PLEKHO2: variants seen among roughly 807,000 people sequenced by gnomAD.
The protein encoded by PLEKHO2 is pleckstrin homology domain containing O2.
A neutral mutation model predicts 32.7 loss-of-function variants in PLEKHO2; 20 were observed. That is an observed-to-expected ratio of 0.61 (90% CI 0.43 to 0.89). PLEKHO2 has a LOEUF of 0.89. Among genes scored for constraint, PLEKHO2 ranks in the 40% least tolerant of loss-of-function variants. The pLI is 0.00. For synonymous variants in PLEKHO2, 247 were observed against 246.3 expected, an observed-to-expected ratio of 1.00 and a Z score of -0.03; for missense variants, 568 against 621.2, an observed-to-expected ratio of 0.91 and a Z score of 0.91.
At chr15:64,854,028 C>T (rs1473175023) in intron 2 of PLEKHO2, among the ~76,000 whole-genome samples, 1 of 152,186 alleles carries the variant, frequency 6.6e-6, no homozygotes, top group Non-Finnish European at 1.5e-5. Flanking sequence ...CCTGGACTCT[C>T]CTGGATGACA....
intron 1 of PLEKHO2, among the ~76,000 whole-genome samples, 195 bp from the exon 2 acceptor site, chr15:64,848,398 G>A (rs145887705): frequency 8.2e-4 from 125 of 152,312 alleles, no homozygotes; most frequent in Non-Finnish European, 1.3e-3. Flanking sequence ...GAGTAAAGTG[G>A]CTGCTGCTAT....
chr15:64,842,427 A>G (rs2084492195), intron 1 of PLEKHO2, among the ~76,000 whole-genome samples: 1 of 133,902 alleles, frequency 7.5e-6, no homozygotes, highest in African/African-American at 3.2e-5. Context: ...TGTGTGTCGG[A>G]TCCTGACTGT....
At position 64,842,378 on chromosome 15, in the gene PLEKHO2, C is replaced by CTGTGTGTG. The variant is rs777446391; in HGVS notation, c.12+351_12+352insGTGTGTGT. ...CGATTACCGTGGTCGGATCCTGACT[C>CTGTGTGTG]TCTCTCTCTCTCTGTGTGTGTGTGT... On this transcript the variant is annotated intron_variant, in intron 1 of 5. Transcript: ENST00000323544. Among the ~76,000 whole-genome samples the CTGTGTGTG allele has an allele frequency of 5.3e-3, 120 of 22,682 alleles. 3 individuals carry two copies. The highest frequency in any genetic ancestry group is 0.01 in the African/African-American group (117 of 11,488). The allele number at this position is 22,682 out of a possible 152,430, so 14.9% of individuals were successfully genotyped here.
chr15:64,865,715 G>A lies in PLEKHO2; in HGVS notation c.1300G>A (p.Glu434Lys). 6.2e-7 allele frequency: 1 copy of A among 1,614,220 alleles called. No individual in the cohort carries two copies. The highest frequency in any genetic ancestry group is 2.2e-5 in the East Asian group (1 of 44,884). The part of the protein sequence containing the change: ...EKLLNKVLGS[E>K]PAPVSAETLL... ...ACTGTTGAACAAGGTGCTGGGCAGT[G>A]AGCCGGCCCCTGTTAGTGCCGAAAC... The change falls in exon 6 of 6, where the codon GAG becomes AAG. Residue 434 changes from glutamate to lysine, a missense_variant. Glu to Lys is a moderately conservative substitution (Grantham distance 56, BLOSUM62 1). Transcript: ENST00000323544.
At chr15:64,852,581 C>T (rs112013610) in intron 2 of PLEKHO2, among the ~76,000 whole-genome samples, 293 of 151,938 alleles carry the variant, frequency 1.9e-3, no homozygotes, top group Non-Finnish European at 3.2e-3. Context: ...TTTAAAAGCT[C>T]CCAGGTGCCA....
chr15:64,846,942 G>A (rs147859628), intron 1 of PLEKHO2, among the ~76,000 whole-genome samples: 5 of 152,328 alleles, frequency 3.3e-5, no homozygotes, highest in South Asian at 2.1e-4. Context: ...GCCAGTCACT[G>A]TCTAGGAACT....
Position 64,866,128 on chromosome 15 carries a change from GGCTGGGGCTGGGAGCACACAC to G in PLEKHO2, c.*247_*267del. On this transcript the variant is annotated 3_prime_UTR_variant, in exon 6 of 6. Coordinates refer to ENST00000323544, the MANE Select transcript of PLEKHO2 (RefSeq NM_025201.5). ...CTATCTGGCCTGGCCTCTGGGCTGG[GGCTGGGGCTGGGAGCACACAC>G]GCTGGGACCTATGTGTTTGTGTGGT... is the stretch of plus-strand genomic sequence containing the variant. 1.7e-6 allele frequency: 1 copy of G among 597,586 alleles called. No homozygotes were observed. The highest frequency in any genetic ancestry group is 3.0e-6 in the Non-Finnish European group (1 of 338,840). The allele number at this position is 597,586 out of a possible 1,614,324, so 37.0% of individuals were successfully genotyped here. A position where few individuals can be genotyped will look rare whatever the true frequency, so the allele number is the denominator to read the frequency against.
At chr15:64,842,167 C>T (rs1467513012) in intron 1 of PLEKHO2, 139 bp downstream of exon 1, 4 of 805,030 alleles carry the variant, frequency 5.0e-6, no homozygotes, top group Non-Finnish European at 6.7e-6. Context: ...GCAAATGGGG[C>T]AGGGGCGAGG....
chr15:64,842,380 CTCTCTCTCTCTGTGTGTGTGTG>C (rs1427505674), intron 1 of PLEKHO2, among the ~76,000 whole-genome samples: 2 of 33,084 alleles, frequency 6.0e-5, no homozygotes, highest in South Asian at 2.6e-3. Context: ...TCCTGACTCT[CTCTCTCTCTCTGTGTGTGTGTG>C]TGTGTGTGTG....
chr15:64,848,645 C>G lies in PLEKHO2; in HGVS notation c.65C>G (p.Ala22Gly). ...CGGGGAGCACAGATGGTGGACAAGG[C>G]TGGCTGGATCAAGAAGAGCAGTGGG... ...KPRGAQMVDK[A>G]GWIKKSSGGL... Residue 22 changes from alanine (A) to glycine (G), a missense_variant, in exon 2 of 6, where the codon GCT (alanine) becomes GGT (glycine). Physicochemically the swap from Ala to Gly is moderately conservative, Grantham distance 60 (BLOSUM62 0). Coordinates refer to ENST00000323544, the MANE Select transcript of PLEKHO2 (RefSeq NM_025201.5). The G allele has an allele frequency of 1.2e-6, 2 of 1,614,148 alleles. No homozygotes were observed. Among genetic ancestry groups the G allele is most frequent in the Non-Finnish European group, 1.7e-6 (2 of 1,180,022 alleles).
At chr15:64,858,994 G>C (rs956382732) in intron 3 of PLEKHO2, among the ~76,000 whole-genome samples, 1 of 152,212 alleles carries the variant, frequency 6.6e-6, no homozygotes, top group South Asian at 2.1e-4. Flanking sequence ...GACAACTCTA[G>C]GTACCTCATA....
rs780814432 is a variant in PLEKHO2, at chr15:64,865,079, G to T, written c.664G>T (p.Val222Leu). The T allele has an allele frequency of 1.2e-6, 2 of 1,613,976 alleles. No homozygotes were observed. Among genetic ancestry groups the T allele is most frequent in the African/African-American group, 2.7e-5 (2 of 74,896 alleles). The change falls in exon 6 of 6, where the codon GTG becomes TTG. Residue 222 changes from valine to leucine, a missense_variant. Val to Leu is a conservative substitution (Grantham distance 32). Transcript: ENST00000323544. Reference protein sequence around the residue: ...APETTSPGDRVETPVGERAPT... With the variant: ...APETTSPGDRLETPVGERAPT... Reference sequence around the variant, plus strand: ...TGAGACCACCAGCCCTGGTGACAGGGTGGAGACCCCTGTGGGGGAGAGAGC... The same window carrying T: ...TGAGACCACCAGCCCTGGTGACAGGTTGGAGACCCCTGTGGGGGAGAGAGC...
rs1380090290 is a variant in PLEKHO2, at chr15:64,865,563, A to G, written c.1148A>G (p.Gln383Arg). ...CTGCCCCCCTGGGACCTGCCACCTC[A>G]GTTCCATCCCCGCTGCTCCTCCCTT... ...TALPPWDLPPQFHPRCSSLGD... is the reference protein window; with the variant it reads ...TALPPWDLPPRFHPRCSSLGD... The change falls in exon 6 of 6, where the codon CAG becomes CGG. Residue 383 changes from glutamine (Q) to arginine (R), a missense_variant. Coordinates refer to ENST00000323544, the MANE Select transcript of PLEKHO2 (RefSeq NM_025201.5). 1 of 1,614,198 alleles carries G rather than the reference A, an allele frequency of 6.2e-7. No homozygotes were observed. Among genetic ancestry groups the G allele is most frequent in the South Asian group, 1.1e-5 (1 of 91,088 alleles).
rs1317606854 is a variant in PLEKHO2 at position 64,849,882 on chromosome 15, G to A, written c.162+1140G>A. 2.0e-5 allele frequency among the ~76,000 whole-genome samples: 3 copies of A among 151,314 alleles called. No homozygotes were observed. In the South Asian group the frequency reaches 6.3e-4, roughly 32 times the overall value. On this transcript the variant is annotated intron_variant, in intron 2 of 5. Transcript: ENST00000323544. ...TAGTAGAAATAATAATTAGCAGGCC[G>A]GGTTGTAGTGGCTTACACCTATAAT...
chr15:64,855,707 A>G (rs1406126236), intron 3 of PLEKHO2, among the ~76,000 whole-genome samples: 2 of 152,140 alleles, frequency 1.3e-5, no homozygotes, highest in Non-Finnish European at 2.9e-5. Flanking sequence ...AGCTTCACAG[A>G]TGTCAGGAGC....
chr15:64,850,305 C>G (rs2084557778), intron 2 of PLEKHO2, among the ~76,000 whole-genome samples: 1 of 152,146 alleles, frequency 6.6e-6, no homozygotes, highest in African/African-American at 2.4e-5. Flanking sequence ...CTCAGGGTGA[C>G]AAGATGACTG....
rs780814432 is a variant in PLEKHO2, at chr15:64,865,079, G to A, written c.664G>A (p.Val222Met). The change falls in exon 6 of 6, where the codon GTG becomes ATG. Residue 222 changes from valine (V) to methionine (M), a missense_variant. Coordinates refer to ENST00000323544, the MANE Select transcript of PLEKHO2 (RefSeq NM_025201.5). The part of the protein sequence containing the change: ...APETTSPGDR[V>M]ETPVGERAPT... ...TGAGACCACCAGCCCTGGTGACAGGGTGGAGACCCCTGTGGGGGAGAGAGC... is the reference window on the plus strand; with the variant it reads ...TGAGACCACCAGCCCTGGTGACAGGATGGAGACCCCTGTGGGGGAGAGAGC... 3.7e-6 allele frequency: 6 copies of A among 1,614,094 alleles called. No homozygotes were observed. Among genetic ancestry groups the A allele is most frequent in the South Asian group, 1.1e-5 (1 of 91,092 alleles).
Position 64,865,973 on chromosome 15 carries a change from T to C in PLEKHO2, c.*85T>C, listed in dbSNP as rs1239954101. On this transcript the variant is annotated 3_prime_UTR_variant, in exon 6 of 6. Coordinates refer to ENST00000323544, the MANE Select transcript of PLEKHO2 (RefSeq NM_025201.5). Reference sequence around the variant, plus strand: ...GCCCTGCTGAGAAATGTGCTTCTGCTTCTACAGCAATGGCTGCAGGAGGGC... The same window carrying C: ...GCCCTGCTGAGAAATGTGCTTCTGCCTCTACAGCAATGGCTGCAGGAGGGC... The C allele has an allele frequency of 1.6e-5, 24 of 1,477,582 alleles. No individual in the cohort carries two copies. In the African/African-American group the frequency reaches 2.8e-4, roughly 17 times the overall value. 91.5% of individuals were successfully genotyped at this position (1,477,582 alleles called of 1,614,324 possible).
chr15:64,860,520 C>T (rs2084634160), intron 4 of PLEKHO2, among the ~76,000 whole-genome samples: 1 of 152,232 alleles, frequency 6.6e-6, no homozygotes, highest in African/African-American at 2.4e-5. Context: ...GGCAGAGCAT[C>T]CCATGGGGCC....
Sources: allele counts gnomAD v4.1 joint callset (sites outside exome capture counted in the v4.1 genomes callset), GRCh38; gene constraint gnomAD v4.1.1; transcripts MANE v1.5; gene names NCBI Gene and HGNC (gene_info 2026-07-23, HGNC 2026-07-21).